PPP1R9A: variants seen among roughly 807,000 people sequenced by gnomAD.
PPP1R9A encodes the protein protein phosphatase 1 regulatory subunit 9A.
PPP1R9A carries 59 observed loss-of-function variants against 141.9 expected under a neutral mutation model. That is an observed-to-expected ratio of 0.42 (90% CI 0.34 to 0.52). The LOEUF (loss-of-function observed/expected upper bound fraction) is 0.52, where lower values mean the gene tolerates loss of function less well. PPP1R9A is among the 20% of genes least tolerant of loss of function. PPP1R9A has a pLI of 0.10. For missense variants in PPP1R9A, 1,444 were observed against 1,611.9 expected (o/e 0.90, Z 1.78); for synonymous variants, 500 against 569.7 (o/e 0.88, Z 1.74).
chr7:95,092,439 A>G (rs987603708), intron 2 of PPP1R9A, among the ~76,000 whole-genome samples: 18 of 151,354 alleles, frequency 1.2e-4, no homozygotes, highest in African/African-American at 4.1e-4. Context: ...CCTAAATACC[A>G]GTGCTTACAG....
intron 2 of PPP1R9A, among the ~76,000 whole-genome samples, chr7:94,920,366 AT>A (rs66814698): frequency 0.57 from 85,335 of 148,904 alleles, 24,366 homozygotes; most frequent in South Asian, 0.73. Flanking sequence ...AATATTGATA[AT>A]TTTTTTTTTT....
intron 2 of PPP1R9A, among the ~76,000 whole-genome samples, chr7:95,009,358 T>C (rs1287165656): frequency 1.3e-5 from 2 of 152,198 alleles, no homozygotes; most frequent in Non-Finnish European, 2.9e-5. Context: ...TGCTGCCTAC[T>C]CTCTTGACAG....
intron 5 of PPP1R9A, among the ~76,000 whole-genome samples, chr7:95,174,716 ATAT>A (rs1348673642): frequency 2.0e-5 from 3 of 152,226 alleles, no homozygotes; most frequent in African/African-American, 7.2e-5. Flanking sequence ...TACTTTTAAA[ATAT>A]TATTATTGAC....
At chr7:95,159,597 C>T (rs911277304) in intron 4 of PPP1R9A, among the ~76,000 whole-genome samples, 1 of 151,916 alleles carries the variant, frequency 6.6e-6, no homozygotes, top group Non-Finnish European at 1.5e-5. Context: ...AATAAATGGG[C>T]TTCAACTTTT....
intron 2 of PPP1R9A, among the ~76,000 whole-genome samples, chr7:94,954,857 GTGTGTGTA>G (rs763630169): frequency 4.8e-5 from 6 of 125,690 alleles, no homozygotes; most frequent in South Asian, 2.8e-4. Flanking sequence ...GTGTGTGTGT[GTGTGTGTA>G]TATGTATATG....
chr7:95,182,737 A>G (rs1201012461), intron 5 of PPP1R9A, among the ~76,000 whole-genome samples: 6 of 152,166 alleles, frequency 3.9e-5, no homozygotes, highest in South Asian at 2.1e-4. Flanking sequence ...AGCAACTACT[A>G]TGGATTTTGG....
At chr7:94,926,437 T>A (rs1272699758) in intron 2 of PPP1R9A, among the ~76,000 whole-genome samples, 1 of 152,230 alleles carries the variant, frequency 6.6e-6, no homozygotes, top group Non-Finnish European at 1.5e-5. Context: ...AGCTTGTAAT[T>A]AGTTGCAAGA....
intron 2 of PPP1R9A, among the ~76,000 whole-genome samples, chr7:94,947,011 T>C (rs904153741): frequency 2.0e-5 from 3 of 152,224 alleles, no homozygotes; most frequent in East Asian, 1.9e-4. Flanking sequence ...ATTATTGTTA[T>C]TAGTAAATAC....
At chr7:95,166,618 A>G (rs1831307817) in intron 5 of PPP1R9A, among the ~76,000 whole-genome samples, 1 of 152,174 alleles carries the variant, frequency 6.6e-6, no homozygotes, top group African/African-American at 2.4e-5. Context: ...TCCTCAAACT[A>G]TTCCAAAAAA....
rs370056820 is a variant in PPP1R9A, at chr7:95,019,558, A to G, written c.1396-91701A>G. Among the ~76,000 whole-genome samples the G allele has an allele frequency of 3.3e-5, 5 of 152,344 alleles. No individual in the cohort carries two copies. In the East Asian group the frequency reaches 7.7e-4, roughly 24 times the overall value. On this transcript the variant is annotated intron_variant, in intron 2 of 19. Transcript: ENST00000433360. ...TAAAGTACTCTTTCCATTTAATAAT[A>G]ACAGGACAATCCAATTTTAAAATAG...
At chr7:94,934,398 C>T (rs981444843) in intron 2 of PPP1R9A, among the ~76,000 whole-genome samples, 4 of 152,150 alleles carry the variant, frequency 2.6e-5, no homozygotes, top group African/African-American at 9.7e-5. Flanking sequence ...TTCAAGATCT[C>T]TAACATGTGG....
chr7:95,082,371 T>C (rs1815993359), intron 2 of PPP1R9A, among the ~76,000 whole-genome samples: 1 of 152,150 alleles, frequency 6.6e-6, no homozygotes, highest in Admixed American at 6.5e-5. Context: ...CACCTTAGGC[T>C]GACCTTGAGG....
chr7:95,252,182 C>T, intron 12 of PPP1R9A, 52 bp downstream of exon 12: 1 of 1,464,336 alleles, frequency 6.8e-7, no homozygotes, highest in African/African-American at 1.4e-5. Context: ...GTAATTTGGC[C>T]TTTTATTTTT....
intron 16 of PPP1R9A, among the ~76,000 whole-genome samples, chr7:95,277,820 A>G (rs1479602296): frequency 6.6e-6 from 1 of 152,254 alleles, no homozygotes; most frequent in Non-Finnish European, 1.5e-5. Context: ...TGTATACCAA[A>G]GGGTAAAATA....
At chr7:95,277,009 G>A (rs1326743225) in intron 16 of PPP1R9A, among the ~76,000 whole-genome samples, 1 of 152,172 alleles carries the variant, frequency 6.6e-6, no homozygotes, top group Non-Finnish European at 1.5e-5. Context: ...ACCATCAGCT[G>A]CAGGGTCGCA....
rs1334529143 is a variant in PPP1R9A at position 95,173,876 on chromosome 7, T to C, written c.1754+11905T>C. Reference sequence around the variant, plus strand: ...TTAAAAAGACTGATACCACTATGCATTGATAAGCATATGGACTGAGGTTCA... The same window carrying C: ...TTAAAAAGACTGATACCACTATGCACTGATAAGCATATGGACTGAGGTTCA... On this transcript the variant is annotated intron_variant, in intron 5 of 19. Coordinates refer to ENST00000433360, the MANE Select transcript of PPP1R9A (RefSeq NM_001166160.2). 3.3e-5 allele frequency among the ~76,000 whole-genome samples: 5 copies of C among 152,188 alleles called. No individual in the cohort carries two copies. In the East Asian group the frequency reaches 7.7e-4, roughly 24 times the overall value.
chr7:95,220,921 T>C (rs1794347180), intron 7 of PPP1R9A, among the ~76,000 whole-genome samples: 1 of 152,052 alleles, frequency 6.6e-6, no homozygotes, highest in Non-Finnish European at 1.5e-5. Flanking sequence ...ATGGAAGTTT[T>C]CTTGGGCTTG....
intron 2 of PPP1R9A, among the ~76,000 whole-genome samples, chr7:95,048,510 A>T (rs1462371144): frequency 6.6e-6 from 1 of 151,806 alleles, no homozygotes; most frequent in Non-Finnish European, 1.5e-5. Context: ...TTTTTTTTTA[A>T]CCATGACAGC....
chr7:95,273,124 A>G (rs1483931507), intron 14 of PPP1R9A, among the ~76,000 whole-genome samples: 5 of 152,102 alleles, frequency 3.3e-5, no homozygotes, highest in Non-Finnish European at 5.9e-5. Flanking sequence ...GGCTTTTGGT[A>G]TCATTTCGAG....
Sources: gnomAD v4.1 joint callset for allele counts (sites outside exome capture counted in the v4.1 genomes callset) on GRCh38, gnomAD v4.1.1 for gene constraint, MANE v1.5 for transcripts, NCBI Gene and HGNC (gene_info 2026-07-23, HGNC 2026-07-21) for gene names.